Variants in GXYLT2 observed in about 807,000 individuals in gnomAD.
GXYLT2 encodes glucoside xylosyltransferase 2.
A neutral mutation model predicts 45.8 loss-of-function variants in GXYLT2; 53 were observed. The ratio of observed to expected loss-of-function variants is 1.16; its 90% CI spans 0.93 to 1.46. GXYLT2 has a LOEUF of 1.46. Among genes scored for constraint, GXYLT2 ranks in the 40% most tolerant of loss-of-function variants. The probability of loss-of-function intolerance (pLI) is 0.00; values close to 1 mark genes in which losing one functional copy is unlikely to be tolerated. For missense variants in GXYLT2, 551 were observed against 544.4 expected, an observed-to-expected ratio of 1.01 and a Z score of -0.12; for synonymous variants, 219 against 214.2, an observed-to-expected ratio of 1.02 and a Z score of -0.19.
At position 72,976,852 on chromosome 3, in the gene GXYLT2, G is replaced by A. The variant is rs1332132797; in HGVS notation, c.*1693G>A. 2 of 152,124 alleles carry A rather than the reference G, an allele frequency of 1.3e-5. No individual in the cohort carries two copies. The highest frequency in any genetic ancestry group is 2.9e-5 in the Non-Finnish European group (2 of 68,022). The allele number at this position is 152,124 out of a possible 1,614,324, so 9.4% of individuals were successfully genotyped here. ...TGCTATTCTGTAAGACATACAGTCT[G>A]TGTAAGATGTATCTTATTTACAGAG... On this transcript the variant is annotated 3_prime_UTR_variant, in exon 7 of 7. Coordinates refer to ENST00000389617, the MANE Select transcript of GXYLT2 (RefSeq NM_001080393.2).
chr3:72,926,513 A>G (rs1295557788), intron 3 of GXYLT2, among the ~76,000 whole-genome samples: 1 of 152,268 alleles, frequency 6.6e-6, no homozygotes, highest in Non-Finnish European at 1.5e-5. Context: ...TGTGTTCATT[A>G]AAATTGATTC....
Position 72,888,299 on chromosome 3 carries a change from G to C in GXYLT2, c.66G>C (p.Leu22=). 2.0e-6 allele frequency: 2 copies of C among 993,012 alleles called. No homozygotes were observed. The highest frequency in any genetic ancestry group is 1.2e-6 in the Non-Finnish European group (1 of 837,290). 61.5% of individuals were successfully genotyped at this position (993,012 alleles called of 1,614,324 possible). ...CGCTGGCCGCGCTGCTGCTGGCGCT[G>C]CTGTCCCTGCGCGCTGGCCGCGCTG... The part of the protein sequence containing the change: ...LLALAALLLA[L]LSLRAGRAEP... Residue 22 remains leucine, a synonymous_variant, in exon 1 of 7, where the codon CTG becomes CTC. Transcript: ENST00000389617.
At chr3:72,928,896 G>A in intron 3 of GXYLT2, 1 of 691,094 alleles carries the variant, frequency 1.4e-6, no homozygotes. Context: ...ACAGTGCTTG[G>A]ACGGAACCCG....
chr3:72,947,934 A>C (rs894589014), intron 3 of GXYLT2, among the ~76,000 whole-genome samples: 4 of 152,216 alleles, frequency 2.6e-5, no homozygotes, highest in African/African-American at 9.6e-5. Flanking sequence ...GGATCAACCC[A>C]TCAGGAAGGC....
intron 3 of GXYLT2, among the ~76,000 whole-genome samples, chr3:72,948,393 A>G (rs1398811977): frequency 6.6e-6 from 1 of 152,230 alleles, no homozygotes; most frequent in Admixed American, 6.5e-5. Context: ...GTCAATTCGA[A>G]AAGATGGCAA....
intron 1 of GXYLT2, among the ~76,000 whole-genome samples, chr3:72,888,795 A>G (rs1282570271): frequency 1.3e-5 from 2 of 152,222 alleles, no homozygotes; most frequent in Non-Finnish European, 2.9e-5. Context: ...GCACTCTTGC[A>G]AACATGCACC....
Position 72,941,021 on chromosome 3 carries a change from C to T in GXYLT2, c.601-14077C>T, listed in dbSNP as rs574181209. ...AAACCAGTAAGAAAGAGAAAAAAGACAAAGAGCATCAGAGCTTTACGTAAT... is the reference window on the plus strand; with the variant it reads ...AAACCAGTAAGAAAGAGAAAAAAGATAAAGAGCATCAGAGCTTTACGTAAT... On this transcript the variant is annotated intron_variant, in intron 3 of 6. Coordinates refer to ENST00000389617, the MANE Select transcript of GXYLT2 (RefSeq NM_001080393.2). Among the ~76,000 whole-genome samples the T allele has an allele frequency of 1.3e-3, 203 of 152,224 alleles. 1 individual carries two copies. Among genetic ancestry groups the T allele is most frequent in the African/African-American group, 4.8e-3 (199 of 41,538 alleles).
intron 3 of GXYLT2, among the ~76,000 whole-genome samples, chr3:72,954,399 CTGTGTGTGTG>C (rs3078688): frequency 2.2e-5 from 3 of 133,846 alleles, no homozygotes; most frequent in Admixed American, 7.7e-5. Flanking sequence ...TGCTCCCAGC[CTGTGTGTGTG>C]TGTGTGTGTG....
At chr3:72,908,302 G>A (rs374995298) in intron 1 of GXYLT2, 65 bp from the exon 2 acceptor site, 113 of 1,192,266 alleles carry the variant, frequency 9.5e-5, no homozygotes, top group South Asian at 8.4e-4. Context: ...TTCACTCGCC[G>A]GTTTTTTGTT....
chr3:72,911,302 G>T (rs187894730), intron 2 of GXYLT2, among the ~76,000 whole-genome samples: 1 of 151,742 alleles, frequency 6.6e-6, no homozygotes. Context: ...AAAAAATAAC[G>T]AAAGGGAAGG....
intron 1 of GXYLT2, among the ~76,000 whole-genome samples, chr3:72,904,150 A>G (rs1241496829): frequency 6.6e-6 from 1 of 152,240 alleles, no homozygotes; most frequent in Non-Finnish European, 1.5e-5. Context: ...TAAGAACGTT[A>G]TTAACCATCA....
chr3:72,960,232 A>C (rs998434997), intron 5 of GXYLT2, among the ~76,000 whole-genome samples: 5 of 152,140 alleles, frequency 3.3e-5, no homozygotes, highest in Non-Finnish European at 4.4e-5. Context: ...TTTTCTTTAA[A>C]TACTGCATTT....
chr3:72,894,976 G>C (rs775196689), intron 1 of GXYLT2, among the ~76,000 whole-genome samples: 1 of 152,160 alleles, frequency 6.6e-6, no homozygotes, highest in African/African-American at 2.4e-5. Context: ...GCCAGGTCTC[G>C]TTTGCTGGCT....
intron 3 of GXYLT2, among the ~76,000 whole-genome samples, chr3:72,935,377 T>C (rs188197389): frequency 3.8e-4 from 58 of 152,306 alleles, no homozygotes; most frequent in African/African-American, 1.3e-3. Context: ...CTTAGAGGAC[T>C]GGTTCAACAT....
At chr3:72,910,207 G>A (rs1225091033) in intron 2 of GXYLT2, among the ~76,000 whole-genome samples, 2 of 152,062 alleles carry the variant, frequency 1.3e-5, no homozygotes, top group Non-Finnish European at 2.9e-5. Flanking sequence ...AATCTTCAAA[G>A]GTAACCTTTG....
intron 5 of GXYLT2, among the ~76,000 whole-genome samples, chr3:72,959,524 G>A (rs976888619): frequency 1.3e-5 from 2 of 152,128 alleles, no homozygotes; most frequent in African/African-American, 4.8e-5. Context: ...GCCTCCCAAA[G>A]TGCTGGGATT....
chr3:72,905,812 AC>A (rs2107076693), intron 1 of GXYLT2, among the ~76,000 whole-genome samples: 1 of 152,148 alleles, frequency 6.6e-6, no homozygotes, highest in African/African-American at 2.4e-5. Context: ...CTTCTATTTT[AC>A]TTTGTAGTTT....
intron 6 of GXYLT2, among the ~76,000 whole-genome samples, chr3:72,969,732 A>G (rs1376388142): frequency 2.0e-5 from 3 of 152,090 alleles, no homozygotes; most frequent in African/African-American, 7.2e-5. Context: ...AATATTTACC[A>G]TCTACTCCTT....
intron 3 of GXYLT2, among the ~76,000 whole-genome samples, chr3:72,943,704 T>A (rs1235594433): frequency 1.3e-5 from 2 of 151,994 alleles, no homozygotes; most frequent in African/African-American, 4.8e-5. Flanking sequence ...TTATGATAAA[T>A]AGAAATCACA....
Sources: gnomAD v4.1 joint callset for allele counts (sites outside exome capture counted in the v4.1 genomes callset) on GRCh38, gnomAD v4.1.1 for gene constraint, MANE v1.5 for transcripts, NCBI Gene and HGNC (gene_info 2026-07-23, HGNC 2026-07-21) for gene names.